TERT: variants seen among roughly 807,000 people sequenced by gnomAD.
The protein encoded by TERT is telomerase reverse transcriptase, also known as telomerase catalytic subunit.
TERT carries 42 observed loss-of-function variants against 104.0 expected under a neutral mutation model. The observed-to-expected ratio is 0.40, with a 90% CI of 0.32 to 0.52. The LOEUF (loss-of-function observed/expected upper bound fraction) is 0.52. TERT is among the 20% of genes least tolerant of loss of function. The pLI, the probability that TERT is intolerant of heterozygous loss-of-function variation, is 0.43. For missense variants in TERT, 1,101 were observed against 1,610.3 expected (o/e 0.68, Z 5.41); for synonymous variants, 781 against 725.6 (o/e 1.08, Z -1.23).
Position 1,261,642 on chromosome 5 carries a change from G to A in TERT, c.2844-1042C>T, listed in dbSNP as rs549250286. ...TGCGTTTCTTTGAGGGATGGGTCTC[G>A]CTGTCAGTTTCACATGCATTTCTTT... On this transcript the variant is annotated intron_variant, in intron 11 of 15. Transcript: ENST00000310581. This position sits in a 1 kb window ranked among gnomAD's most constrained non-coding sequence, Gnocchi z 7.4. Among the ~76,000 whole-genome samples the A allele has an allele frequency of 2.0e-5, 3 of 152,324 alleles. No homozygotes were observed. Among genetic ancestry groups the A allele is most frequent in the East Asian group, 1.9e-4 (1 of 5,184 alleles).
chr5:1,291,927 C>G (rs1579594578), intron 2 of TERT, among the ~76,000 whole-genome samples: 1 of 152,220 alleles, frequency 6.6e-6, no homozygotes, highest in Non-Finnish European at 1.5e-5. Flanking sequence ...TGACGCTTAT[C>G]TGACTCGGCG....
At chr5:1,283,042 G>C in intron 2 of TERT, 1 of 344,956 alleles carries the variant, frequency 2.9e-6, no homozygotes, top group South Asian at 2.2e-5. Flanking sequence ...AGGGCCTGGC[G>C]ACCTCACGCC....
rs13167280 is a variant in TERT at position 1,280,362 on chromosome 5, G to A, written c.1770-24C>T. On this transcript the variant is annotated intron_variant, in intron 3 of 15. Coordinates refer to ENST00000310581, the MANE Select transcript of TERT (RefSeq NM_198253.3). ...GTCTGCAATAGAGAGCCCCTCAGGA[G>A]GCTTGCTCAGCCAGACAACAGACTA... The A allele has an allele frequency of 0.12, 199,912 of 1,609,006 alleles. 13,259 individuals are homozygous for A. Among genetic ancestry groups the A allele is most frequent in the East Asian group, 0.17 (7,402 of 44,816 alleles).
Position 1,270,965 on chromosome 5 carries a change from A to C in TERT, c.2468+154T>G, listed in dbSNP as rs1313354958. On this transcript the variant is annotated intron_variant, in intron 8 of 15. Transcript: ENST00000310581. This position sits in a 1 kb window ranked among gnomAD's most constrained non-coding sequence, Gnocchi z 8.3. The stretch of plus-strand genomic sequence containing the variant: ...TGTTTCCGGGGCCTCGGGAGCCTGC[A>C]GCCCAGGAGCCGGAGGGGGCGGGGG... Among the ~76,000 whole-genome samples, 2 of 152,202 alleles carry C rather than the reference A, an allele frequency of 1.3e-5. No homozygotes were observed. Among genetic ancestry groups the C allele is most frequent in the Non-Finnish European group, 2.9e-5 (2 of 68,032 alleles).
At position 1,255,536 on chromosome 5, in the gene TERT, G is replaced by T; in HGVS notation, c.3033-125C>A. 1.7e-6 allele frequency: 2 copies of T among 1,165,202 alleles called. No individual in the cohort carries two copies. The highest frequency in any genetic ancestry group is 2.5e-6 in the Non-Finnish European group (2 of 791,800). The allele number at this position is 1,165,202 out of a possible 1,614,324, so 72.2% of individuals were successfully genotyped here. A position where few individuals can be genotyped will look rare whatever the true frequency, so the allele number is the denominator to read the frequency against. On this transcript the variant is annotated intron_variant, in intron 13 of 15. Transcript: ENST00000310581. This position sits in a 1 kb window ranked among gnomAD's most constrained non-coding sequence, Gnocchi z 6.9. ...TGCACATGCATGGGTTTCCTCATGG[G>T]CACAGGTGCACACACACGGATGCAT... is the stretch of plus-strand genomic sequence containing the variant.
Position 1,293,529 on chromosome 5 carries a change from G to A in TERT, c.1357C>T (p.Arg453Cys), listed in dbSNP as rs1392433076. 1.3e-6 allele frequency: 2 copies of A among 1,559,234 alleles called. No homozygotes were observed. Among genetic ancestry groups the A allele is most frequent in the African/African-American group, 1.4e-5 (1 of 73,624 alleles). ...ACCTGCCAGGGGCTGCTGTGCTGGC[G>A]GAGCAGCTGCACCAGGCGACGGGGG... is the stretch of plus-strand genomic sequence containing the variant. ...TDPRRLVQLL[R>C]QHSSPWQVYG... is the part of the protein sequence containing the mutation. The change falls in exon 2 of 16, where the codon CGC (arginine) becomes TGC (cysteine). Residue 453 changes from arginine to cysteine, a missense_variant. By Grantham distance (180) the Arg-to-Cys change is radical (BLOSUM62 -3). Transcript: ENST00000310581.
chr5:1,268,493 G>GC lies in TERT; in HGVS notation c.2582+26dup. 1 of 1,578,070 alleles carries GC rather than the reference G, an allele frequency of 6.3e-7. No individual in the cohort carries two copies. ...CAAAAGCAAATCAACCCCCACCCAA[G>GC]CCCCCCTGGGGAAGAGGAGGCCTCA... On this transcript the variant is annotated intron_variant, in intron 9 of 15. Coordinates refer to ENST00000310581, the MANE Select transcript of TERT (RefSeq NM_198253.3). The surrounding 1 kb of genome is among the most constrained non-coding windows in gnomAD (Gnocchi z 5.5).
chr5:1,284,618 G>A (rs113028485), intron 2 of TERT, among the ~76,000 whole-genome samples: 1 of 145,644 alleles, frequency 6.9e-6, no homozygotes, highest in African/African-American at 2.6e-5. Flanking sequence ...GCTCACCGAG[G>A]GCCTGGCGAC....
intron 3 of TERT, 99 bp downstream of exon 3, chr5:1,282,330 A>C: frequency 7.5e-7 from 1 of 1,324,958 alleles, no homozygotes; most frequent in Non-Finnish European, 1.1e-6. Flanking sequence ...AGAGCTGCAC[A>C]GCCAGGGAAG....
chr5:1,257,511 A>G lies in TERT; in HGVS notation c.3032+1087T>C, dbSNP rs1747834343. On this transcript the variant is annotated intron_variant, in intron 13 of 15. Coordinates refer to ENST00000310581, the MANE Select transcript of TERT (RefSeq NM_198253.3). This position sits in a 1 kb window ranked among gnomAD's most constrained non-coding sequence, Gnocchi z 5.6. Reference sequence around the variant, plus strand: ...CGCGTCAGGGAGATGCAAACGAGGGAAGATTTGAGGCAGAGAGAGAAGGCA... The same window carrying G: ...CGCGTCAGGGAGATGCAAACGAGGGGAGATTTGAGGCAGAGAGAGAAGGCA... Among the ~76,000 whole-genome samples, 1 of 152,072 alleles carries G rather than the reference A, an allele frequency of 6.6e-6. No homozygotes were observed. The highest frequency in any genetic ancestry group is 1.5e-5 in the Non-Finnish European group (1 of 68,002).
chr5:1,271,264 C>G, intron 7 of TERT, 60 bp from the exon 8 acceptor site: 1 of 1,263,758 alleles, frequency 7.9e-7, no homozygotes, highest in Non-Finnish European at 1.2e-6. Context: ...ACAGGCAGGA[C>G]CACGTGGCCA....
intron 3 of TERT, among the ~76,000 whole-genome samples, chr5:1,280,973 C>T (rs1749983864): frequency 6.6e-6 from 1 of 152,214 alleles, no homozygotes; most frequent in South Asian, 2.1e-4. Flanking sequence ...CGCGGGTGCT[C>T]CGGAGCTGGT....
chr5:1,289,131 C>T (rs1241103102), intron 2 of TERT, among the ~76,000 whole-genome samples: 2 of 151,632 alleles, frequency 1.3e-5, no homozygotes, highest in African/African-American at 4.9e-5. Context: ...GGGACAGCGC[C>T]TCACTCACCC....
rs35667898 is a variant in TERT, at chr5:1,268,179, A to G, written c.2582+341T>C. 7.5e-3 allele frequency among the ~76,000 whole-genome samples: 1,142 copies of G among 152,300 alleles called. 13 individuals carry two copies. Among genetic ancestry groups the G allele is most frequent in the African/African-American group, 0.026 (1,094 of 41,572 alleles). ...TGGGGCCTCAGGCTGCACCAGCCCC[A>G]TCTCCCCAAGGACCCTAACGGAACC... On this transcript the variant is annotated intron_variant, in intron 9 of 15. Transcript: ENST00000310581. The surrounding 1 kb of genome is among the most constrained non-coding windows in gnomAD (Gnocchi z 5.5).
intron 5 of TERT, 81 bp from the exon 6 acceptor site, chr5:1,278,877 C>T (rs562209181): frequency 8.8e-4 from 1,400 of 1,583,288 alleles, no homozygotes; most frequent in Non-Finnish European, 1.1e-3. Flanking sequence ...CCTGGCCTGG[C>T]GGTGTCCCCC....
At chr5:1,272,049 T>C in intron 7 of TERT, 136 bp downstream of exon 7, 1 of 801,240 alleles carries the variant, frequency 1.2e-6, no homozygotes, top group Admixed American at 2.0e-5. Context: ...ACACAGCTCA[T>C]CATGCCCCCA....
In TERT at chr5:1,293,763, T is replaced by A; in HGVS notation, c.1123A>T (p.Thr375Ser). 3 of 1,555,824 alleles carry A rather than the reference T, an allele frequency of 1.9e-6. No individual in the cohort carries two copies. Among genetic ancestry groups the A allele is most frequent in the African/African-American group, 1.4e-5 (1 of 73,606 alleles). The stretch of plus-strand genomic sequence containing the variant: ...GGCAGGCGGGGCAACCTGCGGGGAG[T>A]CCCTGGCATCCAGGGCCTGGAACCC... ...FLGSRPWMPG[T>S]PRRLPRLPQR... The change falls in exon 2 of 16, where the codon ACT becomes TCT. Residue 375 changes from threonine (T) to serine (S), a missense_variant. Around this residue, in one of 5 missense-constraint regions of TERT, gnomAD observed 504 missense variants for 544.6 expected, o/e 0.93. Transcript: ENST00000310581.
At position 1,268,113 on chromosome 5, in the gene TERT, C is replaced by T. The variant is rs752561851; in HGVS notation, c.2582+407G>A. 2.0e-5 allele frequency among the ~76,000 whole-genome samples: 3 copies of T among 152,224 alleles called. No individual in the cohort carries two copies. The highest frequency in any genetic ancestry group is 6.5e-5 in the Admixed American group (1 of 15,290). Reference sequence around the variant, plus strand: ...TGGGATGGGCAATGGGCTGAAGAGGCGCCCAGTCCAGGCCACCTGTCGAGG... The same window carrying T: ...TGGGATGGGCAATGGGCTGAAGAGGTGCCCAGTCCAGGCCACCTGTCGAGG... On this transcript the variant is annotated intron_variant, in intron 9 of 15. Coordinates refer to ENST00000310581, the MANE Select transcript of TERT (RefSeq NM_198253.3). The surrounding 1 kb of genome is among the most constrained non-coding windows in gnomAD (Gnocchi z 5.5).
In TERT at chr5:1,253,394, G is replaced by A. The variant is rs531597316; in HGVS notation, c.*334C>T. 9 of 477,314 alleles carry A rather than the reference G, an allele frequency of 1.9e-5. No homozygotes were observed. The highest frequency in any genetic ancestry group is 1.2e-4 in the African/African-American group (6 of 51,986). The allele number at this position is 477,314 out of a possible 1,614,324, so 29.6% of individuals were successfully genotyped here. ...GGCAGGGCGAGGGGTGAACAATGGC[G>A]AATCTGGGGATGGACTATTCCTATG... On this transcript the variant is annotated 3_prime_UTR_variant, in exon 16 of 16. Transcript: ENST00000310581.
Sources: gnomAD v4.1 joint callset for allele counts (sites outside exome capture counted in the v4.1 genomes callset) on GRCh38, gnomAD v4.1.1 for gene constraint, gnomAD v4.1.1 regional missense constraint, Gnocchi (gnomAD v3.1) non-coding constraint, MANE v1.5 for transcripts, NCBI Gene and HGNC (gene_info 2026-07-23, HGNC 2026-07-21) for gene names.